The following KCTD1 variants were observed in gnomAD, a reference collection of about 807,000 sequenced individuals.
The protein encoded by KCTD1 is potassium channel tetramerization domain containing 1, also known as BTB/POZ domain-containing protein KCTD1.
A neutral mutation model predicts 66.0 loss-of-function variants in KCTD1; 24 were observed. That is an observed-to-expected ratio of 0.36 (90% confidence interval 0.26 to 0.51). The LOEUF is 0.51. Ranked by LOEUF, KCTD1 falls within the 20% of genes least tolerant of loss-of-function variation. KCTD1 has a pLI of 0.95. For missense variants in KCTD1, 943 were observed against 1,205.2 expected, an observed-to-expected ratio of 0.78 and a Z score of 3.22; for synonymous variants, 511 against 517.2, an observed-to-expected ratio of 0.99 and a Z score of 0.16.
intron 1 of KCTD1, among the ~76,000 whole-genome samples, chr18:26,597,670 T>G (rs1214613456): frequency 6.6e-6 from 1 of 150,636 alleles, no homozygotes; most frequent in African/African-American, 2.4e-5. Flanking sequence ...TTTTTTTTTT[T>G]TTTTTTGGAG....
intron 1 of KCTD1, among the ~76,000 whole-genome samples, chr18:26,646,539 A>G (rs1987929756): frequency 6.6e-6 from 1 of 152,184 alleles, no homozygotes; most frequent in African/African-American, 2.4e-5. Flanking sequence ...CGTTCTTACC[A>G]GACATTTATA....
chr18:26,593,074 C>G (rs1375010496), intron 1 of KCTD1, among the ~76,000 whole-genome samples: 1 of 152,168 alleles, frequency 6.6e-6, no homozygotes, highest in Non-Finnish European at 1.5e-5. Context: ...TCTCCAGTCT[C>G]TCGTCCCCCT....
chr18:26,512,712 G>T (rs1020051208), intron 1 of KCTD1, among the ~76,000 whole-genome samples: 26 of 152,114 alleles, frequency 1.7e-4, no homozygotes, highest in African/African-American at 6.3e-4. Context: ...CGCATGAGGT[G>T]GCTCATGTCT....
chr18:26,607,701 T>C (rs1987048588), intron 1 of KCTD1, among the ~76,000 whole-genome samples: 1 of 152,254 alleles, frequency 6.6e-6, no homozygotes, highest in African/African-American at 2.4e-5. Flanking sequence ...CATATTTTCA[T>C]TGATTGGTAA....
At chr18:26,595,833 A>G (rs1353439705) in intron 1 of KCTD1, among the ~76,000 whole-genome samples, 1 of 152,208 alleles carries the variant, frequency 6.6e-6, no homozygotes, top group Non-Finnish European at 1.5e-5. Context: ...TGAGACCATG[A>G]GTTCAAGACC....
rs1298081213 is a variant in KCTD1 at position 26,476,086 on chromosome 18, ATC to A, written c.2133+427_2133+428del. 1.3e-5 allele frequency among the ~76,000 whole-genome samples: 2 copies of A among 152,186 alleles called. No individual in the cohort carries two copies. Among genetic ancestry groups the A allele is most frequent in the Non-Finnish European group, 2.9e-5 (2 of 68,030 alleles). Reference sequence around the variant, plus strand: ...TAGAGTTACCAGCACAATGTGGGCTATCTCAGCGTGACTAACCTTAACACTTA... The same window carrying A: ...TAGAGTTACCAGCACAATGTGGGCTATCAGCGTGACTAACCTTAACACTTA... On this transcript the variant is annotated intron_variant, in intron 3 of 4. Coordinates refer to ENST00000580059, the MANE Select transcript of KCTD1 (RefSeq NM_001142730.3). This position sits in a 1 kb window ranked among gnomAD's most constrained non-coding sequence, Gnocchi z 4.9.
At chr18:26,497,516 C>T (rs1477052629) in intron 2 of KCTD1, among the ~76,000 whole-genome samples, 1 of 152,116 alleles carries the variant, frequency 6.6e-6, no homozygotes, top group Admixed American at 6.5e-5. Context: ...AAGGAGCACC[C>T]GACGCTATGG....
At chr18:26,458,522 G>C (rs1288867066) in intron 4 of KCTD1, 1 of 152,238 alleles carries the variant, frequency 6.6e-6, no homozygotes, top group Non-Finnish European at 1.5e-5. Context: ...CTTCCCATCA[G>C]CAAGACAGAG....
At chr18:26,568,819 CT>C (rs1271307979) in intron 1 of KCTD1, among the ~76,000 whole-genome samples, 8 of 152,176 alleles carry the variant, frequency 5.3e-5, no homozygotes, top group Non-Finnish European at 1.2e-4. Flanking sequence ...ACAAATTGCT[CT>C]GATATCTTTT....
intron 1 of KCTD1, among the ~76,000 whole-genome samples, chr18:26,541,800 G>A (rs918311657): frequency 5.9e-5 from 9 of 151,994 alleles, no homozygotes; most frequent in Non-Finnish European, 1.2e-4. Flanking sequence ...AGTGTATCTC[G>A]AACAGCTGAA....
intron 1 of KCTD1, among the ~76,000 whole-genome samples, chr18:26,615,479 T>C (rs1987229780): frequency 6.6e-6 from 1 of 152,178 alleles, no homozygotes; most frequent in Non-Finnish European, 1.5e-5. Flanking sequence ...ACTGAGCATT[T>C]TGATGTGCAA....
At chr18:26,600,195 A>G in intron 1 of KCTD1, 1 of 1,599,396 alleles carries the variant, frequency 6.3e-7, no homozygotes, top group Non-Finnish European at 8.6e-7. Context: ...AGTCAAGGGA[A>G]CAGATGAGCT....
At chr18:26,557,841 T>C (rs1321902240) in intron 1 of KCTD1, among the ~76,000 whole-genome samples, 1 of 152,240 alleles carries the variant, frequency 6.6e-6, no homozygotes, top group Non-Finnish European at 1.5e-5. Context: ...GCCTGCATTC[T>C]TGAAGCTCTG....
At chr18:26,526,873 T>G (rs570432546) in intron 1 of KCTD1, among the ~76,000 whole-genome samples, 24 of 151,610 alleles carry the variant, frequency 1.6e-4, no homozygotes, top group East Asian at 3.9e-4. Context: ...TTTGGGTTTT[T>G]TTTTTTTTTT....
intron 1 of KCTD1, among the ~76,000 whole-genome samples, chr18:26,563,698 C>A (rs976558818): frequency 6.6e-6 from 1 of 152,186 alleles, no homozygotes; most frequent in African/African-American, 2.4e-5. Flanking sequence ...GTTGTGTGAT[C>A]TTGGGCAAAA....
At chr18:26,621,219 T>A (rs1476103590) in intron 1 of KCTD1, among the ~76,000 whole-genome samples, 1 of 152,144 alleles carries the variant, frequency 6.6e-6, no homozygotes, top group Admixed American at 6.5e-5. Context: ...CTTTTCTTTT[T>A]AAATATAAGG....
intron 1 of KCTD1, among the ~76,000 whole-genome samples, chr18:26,506,376 C>T (rs1427905268): frequency 6.6e-6 from 1 of 152,084 alleles, no homozygotes; most frequent in African/African-American, 2.4e-5. Context: ...GACATTTAAC[C>T]CAGGGTTGGG....
chr18:26,554,868 C>A (rs1274220777), intron 1 of KCTD1, among the ~76,000 whole-genome samples: 2 of 152,128 alleles, frequency 1.3e-5, no homozygotes, highest in Non-Finnish European at 2.9e-5. Context: ...TTATAATATT[C>A]TGATCATGAA....
At chr18:26,657,099 T>TCTGCTCCGCC (rs1287602925) in intron 1 of KCTD1, among the ~76,000 whole-genome samples, 5 of 150,612 alleles carry the variant, frequency 3.3e-5, no homozygotes, top group East Asian at 4.0e-4. Context: ...TCCTGCCCGC[T>TCTGCTCCGCC]CTGCTCCGCC....
Sources: gnomAD v4.1 joint callset for allele counts (sites outside exome capture counted in the v4.1 genomes callset) on GRCh38, gnomAD v4.1.1 for gene constraint, Gnocchi (gnomAD v3.1) non-coding constraint, MANE v1.5 for transcripts, NCBI Gene and HGNC (gene_info 2026-07-23, HGNC 2026-07-21) for gene names.